Variants in PCLO observed in about 807,000 individuals in gnomAD.
PCLO encodes piccolo presynaptic cytomatrix protein.
In PCLO, 82 loss-of-function variants were observed where a neutral mutation model predicts 427.5. That is an observed-to-expected ratio of 0.19 (90% CI 0.16 to 0.23). PCLO has a LOEUF of 0.23. PCLO is among the 10% of genes least tolerant of loss of function. The probability of loss-of-function intolerance (pLI) is 1.00; values close to 1 mark genes in which losing one functional copy is unlikely to be tolerated. For missense variants in PCLO, 6,239 were observed against 6,115.9 expected, an observed-to-expected ratio of 1.02 and a Z score of -0.67; for synonymous variants, 2,357 against 2,155.4, an observed-to-expected ratio of 1.09 and a Z score of -2.59.
intron 20 of PCLO, among the ~76,000 whole-genome samples, chr7:82,815,931 T>C (rs923198671): frequency 3.3e-5 from 5 of 152,166 alleles, no homozygotes; most frequent in African/African-American, 1.2e-4. Flanking sequence ...TCATTCCTAT[T>C]CACACATCTA....
At chr7:82,898,519 T>C (rs566393303) in intron 9 of PCLO, among the ~76,000 whole-genome samples, 10 of 151,560 alleles carry the variant, frequency 6.6e-5, no homozygotes, top group African/African-American at 2.2e-4. Flanking sequence ...AAAAGATTCA[T>C]AGTAGTTTTA....
chr7:82,840,684 T>C (rs1792344863), intron 14 of PCLO, among the ~76,000 whole-genome samples: 1 of 152,074 alleles, frequency 6.6e-6, no homozygotes, highest in African/African-American at 2.4e-5. Flanking sequence ...GAGTTTCTGT[T>C]ATCCTTTGTG....
At chr7:83,002,969 T>C (rs1296242440) in intron 3 of PCLO, among the ~76,000 whole-genome samples, 3 of 151,700 alleles carry the variant, frequency 2.0e-5, no homozygotes, top group East Asian at 1.9e-4. Context: ...GTTTTTTCAT[T>C]TGATATTTTA....
intron 20 of PCLO, among the ~76,000 whole-genome samples, chr7:82,810,838 T>TA (rs1791553987): frequency 1.3e-5 from 2 of 151,694 alleles, no homozygotes; most frequent in Non-Finnish European, 3.0e-5. Flanking sequence ...TCACTGTACT[T>TA]ACCACATGAT....
intron 3 of PCLO, among the ~76,000 whole-genome samples, chr7:83,025,051 C>T: frequency 6.6e-6 from 1 of 152,150 alleles, no homozygotes; most frequent in Non-Finnish European, 1.5e-5. Context: ...GAGCGCCTCT[C>T]CTCCTCCAAA....
At chr7:82,796,107 C>T (rs1418177466) in intron 22 of PCLO, among the ~76,000 whole-genome samples, 6 of 152,192 alleles carry the variant, frequency 3.9e-5, no homozygotes, top group African/African-American at 1.4e-4. Flanking sequence ...CCCAAGATCG[C>T]TTCCAGAAAT....
At chr7:82,844,658 C>A (rs930989531) in intron 13 of PCLO, among the ~76,000 whole-genome samples, 3 of 152,024 alleles carry the variant, frequency 2.0e-5, no homozygotes, top group Non-Finnish European at 2.9e-5. Context: ...TGAGGGAAAT[C>A]ATAAATTTTG....
chr7:82,905,657 T>C (rs1336480343), intron 8 of PCLO, among the ~76,000 whole-genome samples: 14 of 151,748 alleles, frequency 9.2e-5, no homozygotes, highest in Non-Finnish European at 2.9e-5. Flanking sequence ...GACACCTGGG[T>C]GATGATTAGG....
chr7:82,915,090 T>C lies in PCLO; in HGVS notation c.12896A>G (p.Tyr4299Cys), dbSNP rs775511302. 3.4e-5 allele frequency: 55 copies of C among 1,602,616 alleles called. No individual in the cohort carries two copies. Among genetic ancestry groups the C allele is most frequent in the East Asian group, 1.8e-4 (8 of 44,302 alleles). The change falls in exon 7 of 25, where the codon TAT becomes TGT. Residue 4299 changes from tyrosine to cysteine, a missense_variant. By Grantham distance (194) the Tyr-to-Cys change is radical. Transcript: ENST00000333891. ...SRPSSRPSSV[Y>C]GLDLSIKRDS... ...CCTTTTAATTGATAAATCAAGCCCA[T>C]AGACAGAGGAAGGTCTGGAGGAAGG...
intron 20 of PCLO, among the ~76,000 whole-genome samples, chr7:82,809,106 A>T (rs974924161): frequency 2.6e-5 from 4 of 151,930 alleles, no homozygotes; most frequent in Non-Finnish European, 5.9e-5. Context: ...CTAAATCTGC[A>T]TAAAGGCAAA....
chr7:82,799,550 C>A (rs1198069942), intron 22 of PCLO, among the ~76,000 whole-genome samples: 5 of 152,148 alleles, frequency 3.3e-5, no homozygotes, highest in African/African-American at 1.2e-4. Context: ...TGGCCCTATA[C>A]TTATATGCTC....
Position 82,952,283 on chromosome 7 carries a change from C to G in PCLO, c.8670G>C (p.Gln2890His). 6.2e-7 allele frequency: 1 copy of G among 1,613,944 alleles called. No individual in the cohort carries two copies. Among genetic ancestry groups the G allele is most frequent in the Non-Finnish European group, 8.5e-7 (1 of 1,179,848 alleles). Residue 2890 changes from glutamine (Q) to histidine (H), a missense_variant, in exon 5 of 25, where the codon CAG (glutamine) becomes CAC (histidine). This residue lies in a region of PCLO where 4,677 missense variants were observed against 4,468.4 expected (regional missense o/e 1.05). Transcript: ENST00000333891. Reference sequence around the variant, plus strand: ...CCACTACTTCCCCATCAGTGATTCCCTGGGATACGGTGCTATCAGTCCATC... The same window carrying G: ...CCACTACTTCCCCATCAGTGATTCCGTGGGATACGGTGCTATCAGTCCATC... ...TNGWTDSTVS[Q>H]GITDGEVVDL...
At chr7:83,031,835 A>C (rs1788677551) in intron 3 of PCLO, among the ~76,000 whole-genome samples, 1 of 151,764 alleles carries the variant, frequency 6.6e-6, no homozygotes, top group Admixed American at 6.6e-5. Context: ...TAAGTCCCTC[A>C]AAGATAATCA....
chr7:83,129,575 T>G (rs1369970135), intron 3 of PCLO, among the ~76,000 whole-genome samples: 1 of 152,162 alleles, frequency 6.6e-6, no homozygotes, highest in Non-Finnish European at 1.5e-5. Context: ...TATTCCAAGG[T>G]CCTCATCCCT....
chr7:82,953,158 G>A lies in PCLO; in HGVS notation c.7795C>T (p.Gln2599Ter). The A allele has an allele frequency of 6.2e-7, 1 of 1,613,986 alleles. No individual in the cohort carries two copies. Among genetic ancestry groups the A allele is most frequent in the Non-Finnish European group, 8.5e-7 (1 of 1,179,876 alleles). Residue 2599 changes from glutamine (Q) to a stop codon, truncating the protein, a stop_gained, in exon 5 of 25, where the codon CAA becomes TAA. Coordinates refer to ENST00000333891, the MANE Select transcript of PCLO (RefSeq NM_033026.6). LOFTEE classifies it high-confidence loss of function. ...CCCAAGGGCCAACTGGTAATTGCTT[G>A]ACTAGCAGAAGAATCTGTTGGAGTC... Reference protein sequence around the residue: ...PGTPTDSSASQAITSWPLGSP... With the variant: ...PGTPTDSSAS
Position 82,956,498 on chromosome 7 carries a change from T to C in PCLO, c.4455A>G (p.Gln1485=), listed in dbSNP as rs201042289. Reference sequence around the variant, plus strand: ...TATGGTCCTTGCTGGAAGGAATATCTTGTTGGCTATCTTTTTTAAAAGTGT... The same window carrying C: ...TATGGTCCTTGCTGGAAGGAATATCCTGTTGGCTATCTTTTTTAAAAGTGT... The part of the protein sequence containing the change: ...RKDTFKKDSQ[Q]DIPSSKDHKE... The change falls in exon 5 of 25, where the codon CAA becomes CAG. Residue 1485 remains glutamine (Q), a synonymous_variant. Coordinates refer to ENST00000333891, the MANE Select transcript of PCLO (RefSeq NM_033026.6). 2 of 1,613,352 alleles carry C rather than the reference T, an allele frequency of 1.2e-6. No homozygotes were observed. The highest frequency in any genetic ancestry group is 3.3e-5 in the Admixed American group (2 of 59,896).
intron 22 of PCLO, among the ~76,000 whole-genome samples, chr7:82,785,296 G>T (rs886916165): frequency 6.6e-6 from 1 of 152,026 alleles, no homozygotes; most frequent in African/African-American, 2.4e-5. Flanking sequence ...AATAGGATTT[G>T]CATTCCTAAG....
At chr7:83,126,711 T>A (rs951500452) in intron 3 of PCLO, among the ~76,000 whole-genome samples, 2 of 151,818 alleles carry the variant, frequency 1.3e-5, no homozygotes, top group Non-Finnish European at 2.9e-5. Flanking sequence ...AGACACTCCC[T>A]CCCCCAAAAT....
At chr7:82,897,601 T>C (rs1584117632) in intron 9 of PCLO, among the ~76,000 whole-genome samples, 1 of 151,492 alleles carries the variant, frequency 6.6e-6, no homozygotes, top group African/African-American at 2.4e-5. Flanking sequence ...GTCCTCCTAC[T>C]AAATTGTTAG....
Sources: allele counts gnomAD v4.1 joint callset (sites outside exome capture counted in the v4.1 genomes callset), GRCh38; gene constraint gnomAD v4.1.1; regional missense constraint gnomAD v4.1.1; transcripts MANE v1.5; gene names NCBI Gene and HGNC (gene_info 2026-07-23, HGNC 2026-07-21).